Variants in PPIG observed in about 807,000 individuals in gnomAD.
PPIG encodes the protein peptidyl-prolyl cis-trans isomerase G.
In PPIG, 26 loss-of-function variants were observed where a neutral mutation model predicts 87.9. That is an observed-to-expected ratio of 0.30 (90% CI 0.22 to 0.41). The LOEUF (loss-of-function observed/expected upper bound fraction) is 0.41, where lower values mean the gene tolerates loss of function less well. Among genes scored for constraint, PPIG ranks in the 10% least tolerant of loss-of-function variants. The pLI, the probability that PPIG is intolerant of heterozygous loss-of-function variation, is 1.00. For synonymous variants in PPIG, 308 were observed against 276.5 expected (o/e 1.11, Z -1.13); for missense variants, 722 against 879.4 (o/e 0.82, Z 2.26).
chr2:169,613,085 T>A (rs1208792033), intron 7 of PPIG, among the ~76,000 whole-genome samples: 1 of 152,206 alleles, frequency 6.6e-6, no homozygotes, highest in Non-Finnish European at 1.5e-5. Context: ...ACAAATAAGT[T>A]TTAGTGAGCA....
In PPIG at chr2:169,591,532, G is replaced by A. The variant is rs567876343; in HGVS notation, c.-70+7042G>A. 7.4e-4 allele frequency among the ~76,000 whole-genome samples: 112 copies of A among 152,064 alleles called. 1 individual carries two copies. The highest frequency in any genetic ancestry group is 1.3e-3 in the Non-Finnish European group (89 of 67,992). ...TTAATTTTTTTCAGTGAGCTTATTA[G>A]CTTTATTGCTTATCTTATTAAAAAT... On this transcript the variant is annotated intron_variant, in intron 1 of 13. Coordinates refer to ENST00000260970, the MANE Select transcript of PPIG (RefSeq NM_004792.3).
rs1370119504 is a variant in PPIG, at chr2:169,639,757, C to A, written c.*2234C>A. ...AACAGCATTAACTGTACCTCAGGAT[C>A]TGCGCATGCATCTGAATAGCACACG... On this transcript the variant is annotated 3_prime_UTR_variant, in exon 14 of 14. Coordinates refer to ENST00000260970, the MANE Select transcript of PPIG (RefSeq NM_004792.3). 6.6e-6 allele frequency: 1 copy of A among 152,130 alleles called. No individual in the cohort carries two copies. Among genetic ancestry groups the A allele is most frequent in the Non-Finnish European group, 1.5e-5 (1 of 67,990 alleles). The allele number at this position is 152,130 out of a possible 1,614,324, so 9.4% of individuals were successfully genotyped here.
chr2:169,616,843 T>A (rs1308452990), intron 9 of PPIG, among the ~76,000 whole-genome samples: 1 of 152,194 alleles, frequency 6.6e-6, no homozygotes, highest in Non-Finnish European at 1.5e-5. Context: ...CAGAAGCTCT[T>A]TAGTTTAATT....
At chr2:169,596,383 G>A (rs1685015287) in intron 1 of PPIG, among the ~76,000 whole-genome samples, 1 of 152,136 alleles carries the variant, frequency 6.6e-6, no homozygotes, top group Non-Finnish European at 1.5e-5. Flanking sequence ...GGGATTACAG[G>A]CGTGAGCCTT....
At chr2:169,610,379 A>G (rs1685452438) in intron 7 of PPIG, among the ~76,000 whole-genome samples, 2 of 152,152 alleles carry the variant, frequency 1.3e-5, no homozygotes, top group Non-Finnish European at 2.9e-5. Flanking sequence ...GACTTAAATT[A>G]GTTCTTTTTT....
chr2:169,614,383 AT>A (rs1321530808), intron 7 of PPIG, 80 bp from the exon 8 acceptor site: 5 of 1,272,716 alleles, frequency 3.9e-6, no homozygotes, highest in Non-Finnish European at 5.6e-6. Flanking sequence ...CAATACAGTT[AT>A]TTTCTTTTTC....
intron 6 of PPIG, among the ~76,000 whole-genome samples, 187 bp from the exon 7 acceptor site, chr2:169,608,484 C>T (rs1685395243): frequency 6.7e-6 from 1 of 149,146 alleles, no homozygotes; most frequent in Non-Finnish European, 1.5e-5. Context: ...AGCGAGACTC[C>T]ATCTCAAAAA....
At chr2:169,605,621 G>A (rs1685302656) in intron 4 of PPIG, among the ~76,000 whole-genome samples, 2 of 144,492 alleles carry the variant, frequency 1.4e-5, no homozygotes, top group Non-Finnish European at 1.5e-5. Context: ...GGCCAACATG[G>A]TGAAATTCAG....
intron 1 of PPIG, among the ~76,000 whole-genome samples, chr2:169,587,922 G>A (rs574396027): frequency 6.6e-5 from 10 of 152,282 alleles, no homozygotes; most frequent in East Asian, 1.9e-4. Context: ...TTGGGAGGCC[G>A]AGGCGGGTGG....
rs151068559 is a variant in PPIG at position 169,640,962 on chromosome 2, G to T, written c.*3439G>T. 3.1e-3 allele frequency: 472 copies of T among 152,232 alleles called. 3 individuals are homozygous for T. The highest frequency in any genetic ancestry group is 0.011 in the African/African-American group (439 of 41,544). The allele number at this position is 152,232 out of a possible 1,614,324, so 9.4% of individuals were successfully genotyped here. ...TTGAGGGGTTTAGTTTGTTTTAAAA[G>T]GTATGTGAGGGAGTGGTGGGGTGGA... is the stretch of plus-strand genomic sequence containing the variant. On this transcript the variant is annotated 3_prime_UTR_variant, in exon 14 of 14. Transcript: ENST00000260970.
At chr2:169,596,472 A>T (rs1391517638) in intron 1 of PPIG, among the ~76,000 whole-genome samples, 2 of 152,196 alleles carry the variant, frequency 1.3e-5, no homozygotes, top group Admixed American at 1.3e-4. Context: ...GGAAAAGCAG[A>T]TGGTGCCAGA....
chr2:169,605,914 C>A, intron 4 of PPIG, 125 bp from the exon 5 acceptor site: 2 of 652,956 alleles, frequency 3.1e-6, no homozygotes, highest in South Asian at 2.1e-5. Context: ...AAAAAAATTC[C>A]TGAAAGGAAT....
chr2:169,590,091 A>G (rs1317717550), intron 1 of PPIG, among the ~76,000 whole-genome samples: 1 of 151,530 alleles, frequency 6.6e-6, no homozygotes, highest in Non-Finnish European at 1.5e-5. Context: ...CCTGGGCAAC[A>G]AGAAAGAGCG....
intron 1 of PPIG, among the ~76,000 whole-genome samples, chr2:169,589,671 T>C (rs1220020611): frequency 1.3e-5 from 2 of 151,958 alleles, no homozygotes; most frequent in Admixed American, 6.6e-5. Context: ...GGGGGGGTTG[T>C]TTTTTTGGGA....
chr2:169,634,125 A>G (rs1447905976), intron 12 of PPIG, among the ~76,000 whole-genome samples: 2 of 152,064 alleles, frequency 1.3e-5, no homozygotes, highest in Non-Finnish European at 2.9e-5. Context: ...CAGTGGTACA[A>G]TCAAGGATCA....
In PPIG at chr2:169,637,103, A is replaced by G. The variant is rs1686201088; in HGVS notation, c.1845A>G (p.Arg615=). Residue 615 remains arginine, a synonymous_variant, in exon 14 of 14, where the codon AGA becomes AGG. Transcript: ENST00000260970. ...RSRERRTPPG[R]SRSKDRRRRR... ...GAGAGAGAAGAACACCACCAGGAAG[A>G]TCAAGAAGTAAAGATAGGAGGAGAA... 1 of 1,612,850 alleles carries G rather than the reference A, an allele frequency of 6.2e-7. No individual in the cohort carries two copies. Among genetic ancestry groups the G allele is most frequent in the Non-Finnish European group, 8.5e-7 (1 of 1,179,550 alleles).
At chr2:169,618,777 A>C (rs1346919460) in intron 9 of PPIG, among the ~76,000 whole-genome samples, 2 of 149,188 alleles carry the variant, frequency 1.3e-5, no homozygotes, top group Non-Finnish European at 3.0e-5. Context: ...ACATCTGGCC[A>C]GAATCTATTT....
At chr2:169,604,897 TTATGGCTGGGCACGG>T (rs899145942) in intron 4 of PPIG, among the ~76,000 whole-genome samples, 6 of 150,196 alleles carry the variant, frequency 4.0e-5, no homozygotes, top group African/African-American at 1.5e-4. Context: ...GAAAGAAATA[TTATGGCTGGGCACGG>T]TGTGGCTGGG....
At position 169,640,181 on chromosome 2, in the gene PPIG, T is replaced by C. The variant is rs1336631127; in HGVS notation, c.*2658T>C. On this transcript the variant is annotated 3_prime_UTR_variant, in exon 14 of 14. Coordinates refer to ENST00000260970, the MANE Select transcript of PPIG (RefSeq NM_004792.3). ...TACTACATAGTTGGTAAGTTCATAG[T>C]TTTAAGTTACTTAATTGAAGCCCTC... 6.6e-6 allele frequency: 1 copy of C among 152,188 alleles called. No individual in the cohort carries two copies. Among genetic ancestry groups the C allele is most frequent in the African/African-American group, 2.4e-5 (1 of 41,444 alleles). 9.4% of individuals were successfully genotyped at this position (152,188 alleles called of 1,614,324 possible). A position where few individuals can be genotyped will look rare whatever the true frequency, so the allele number is the denominator to read the frequency against.
Sources: allele counts gnomAD v4.1 joint callset (sites outside exome capture counted in the v4.1 genomes callset), GRCh38; gene constraint gnomAD v4.1.1; transcripts MANE v1.5; gene names NCBI Gene and HGNC (gene_info 2026-07-23, HGNC 2026-07-21).